CREM: variants seen among roughly 807,000 people sequenced by gnomAD.
The protein encoded by CREM is cAMP-responsive element modulator.
CREM carries 13 observed loss-of-function variants against 37.3 expected under a neutral mutation model. The observed-to-expected ratio is 0.35, with a 90% confidence interval of 0.23 to 0.55. CREM has a LOEUF of 0.55. Ranked by LOEUF, CREM falls within the 20% of genes least tolerant of loss-of-function variation. CREM has a pLI of 0.88. For synonymous variants in CREM, 124 were observed against 120.2 expected, an observed-to-expected ratio of 1.03 and a Z score of -0.21; for missense variants, 296 against 362.3, an observed-to-expected ratio of 0.82 and a Z score of 1.49.
chr10:35,140,143 C>T (rs2091222163), intron 2 of CREM, among the ~76,000 whole-genome samples: 3 of 152,006 alleles, frequency 2.0e-5, no homozygotes, highest in Admixed American at 2.0e-4. Context: ...TGATTTTTAC[C>T]TTCAAAAAAA....
chr10:35,159,621 A>G (rs2093163536), intron 3 of CREM, among the ~76,000 whole-genome samples: 1 of 152,244 alleles, frequency 6.6e-6, no homozygotes, highest in South Asian at 2.1e-4. Flanking sequence ...TGAAACTACT[A>G]CAAGGAAACA....
intron 3 of CREM, among the ~76,000 whole-genome samples, chr10:35,166,144 T>C (rs1423212302): frequency 6.6e-6 from 1 of 152,174 alleles, no homozygotes; most frequent in African/African-American, 2.4e-5. Context: ...ATAGTAAATA[T>C]AGAAATAATA....
chr10:35,145,791 A>AG (rs2092031084), intron 2 of CREM, among the ~76,000 whole-genome samples: 1 of 151,634 alleles, frequency 6.6e-6, no homozygotes, highest in Non-Finnish European at 1.5e-5. Flanking sequence ...AAAAAAAAAA[A>AG]AAAAAAAAGA....
At chr10:35,189,504 G>GTTTATTTATTTA (rs576826559) in intron 6 of CREM, among the ~76,000 whole-genome samples, 1 of 121,706 alleles carries the variant, frequency 8.2e-6, no homozygotes, top group Non-Finnish European at 1.9e-5. Context: ...TTGTTTGTTT[G>GTTTATTTATTTA]TTTATTTATT....
intron 6 of CREM, chr10:35,201,375 C>G: frequency 6.7e-7 from 1 of 1,501,370 alleles, no homozygotes; most frequent in Non-Finnish European, 9.1e-7. Flanking sequence ...GTGCCAGGCA[C>G]TGTGCTAGAC....
chr10:35,167,634 T>G (rs1238929322), intron 3 of CREM: 30 of 1,305,498 alleles, frequency 2.3e-5, no homozygotes, highest in Non-Finnish European at 3.2e-5. Flanking sequence ...ATTAGGGTTT[T>G]TTTTAATTGC....
At chr10:35,140,464 C>T (rs1299152996) in intron 2 of CREM, among the ~76,000 whole-genome samples, 2 of 152,076 alleles carry the variant, frequency 1.3e-5, no homozygotes, top group South Asian at 2.1e-4. Context: ...TCTCTCTGAA[C>T]GTTATTTTTA....
chr10:35,172,463 G>A (rs2093866749), intron 3 of CREM, among the ~76,000 whole-genome samples: 1 of 152,024 alleles, frequency 6.6e-6, no homozygotes, highest in Admixed American at 6.6e-5. Context: ...CACTGATGGT[G>A]CAAAAACAGT....
intron 6 of CREM, among the ~76,000 whole-genome samples, chr10:35,190,268 T>G (rs1456075550): frequency 6.6e-6 from 1 of 152,252 alleles, no homozygotes; most frequent in Non-Finnish European, 1.5e-5. Flanking sequence ...ATTTGCTTTA[T>G]GGTTTTACCT....
At chr10:35,145,567 G>T (rs1469420602) in intron 2 of CREM, among the ~76,000 whole-genome samples, 1 of 152,116 alleles carries the variant, frequency 6.6e-6, no homozygotes, top group Non-Finnish European at 1.5e-5. Flanking sequence ...GATCACCTGA[G>T]GTCAGGAGTT....
At chr10:35,206,158 G>GTCCCAGCT in intron 6 of CREM, among the ~76,000 whole-genome samples, 1 of 151,708 alleles carries the variant, frequency 6.6e-6, no homozygotes, top group East Asian at 1.9e-4. Context: ...TGAGGCAGGA[G>GTCCCAGCT]AATGGCATGA....
intron 6 of CREM, chr10:35,195,246 T>C (rs771223336): frequency 1.1e-5 from 17 of 1,613,058 alleles, no homozygotes; most frequent in Non-Finnish European, 1.4e-5. Flanking sequence ...TTTCAGTTAA[T>C]TGTGCAGATT....
intron 5 of CREM, among the ~76,000 whole-genome samples, chr10:35,180,215 A>G (rs554674644): frequency 1.3e-5 from 2 of 152,300 alleles, no homozygotes; most frequent in Admixed American, 1.3e-4. Context: ...TAGTTTTCTG[A>G]CTTTAAAAAG....
rs775428299 is a variant in CREM, at chr10:35,167,695, T to C, written c.169-11194T>C. 5 of 1,606,070 alleles carry C rather than the reference T, an allele frequency of 3.1e-6. No individual in the cohort carries two copies. In the South Asian group the frequency reaches 3.3e-5, roughly 11 times the overall value. ...ATCATCTTACCTTATTTCTTCAGATTAAGTACTGTTTATAGTGGGATTTTT... is the reference window on the plus strand; with the variant it reads ...ATCATCTTACCTTATTTCTTCAGATCAAGTACTGTTTATAGTGGGATTTTT... On this transcript the variant is annotated intron_variant, in intron 3 of 7. Transcript: ENST00000685392.
intron 3 of CREM, among the ~76,000 whole-genome samples, chr10:35,158,024 G>A (rs1397495050): frequency 6.6e-6 from 1 of 152,028 alleles, no homozygotes; most frequent in Non-Finnish European, 1.5e-5. Context: ...ATAAATTTAA[G>A]CAAGGAGGTG....
At chr10:35,193,037 GT>G (rs2094985089) in intron 6 of CREM, among the ~76,000 whole-genome samples, 2 of 151,830 alleles carry the variant, frequency 1.3e-5, no homozygotes, top group Admixed American at 6.6e-5. Flanking sequence ...ATAAGAATAC[GT>G]TCCCCGAGGA....
chr10:35,208,539 T>A (rs1360529254), intron 7 of CREM, among the ~76,000 whole-genome samples: 1 of 152,204 alleles, frequency 6.6e-6, no homozygotes, highest in Non-Finnish European at 1.5e-5. Context: ...TGTCAAATAA[T>A]GTCCTCATTG....
chr10:35,179,267 G>A lies in CREM; in HGVS notation c.400G>A (p.Gly134Arg). 1.2e-6 allele frequency: 2 copies of A among 1,613,986 alleles called. No individual in the cohort carries two copies. The highest frequency in any genetic ancestry group is 1.3e-5 in the African/African-American group (1 of 75,016). ...VPTSIYQTSTGQYIAIAQGGT... is the reference protein window; with the variant it reads ...VPTSIYQTSTRQYIAIAQGGT... The stretch of plus-strand genomic sequence containing the variant: ...AACTAGCATATATCAGACTAGCACG[G>A]GGCAATACAGTATGTATGCTGCAAT... Residue 134 changes from glycine to arginine, a missense_variant, in exon 5 of 8, where the codon GGG (glycine) becomes AGG (arginine). Gly to Arg is a moderately radical substitution (Grantham distance 125). Around this residue, in one of 2 missense-constraint regions of CREM, gnomAD observed 257 missense variants for 280.2 expected, o/e 0.92. Coordinates refer to ENST00000685392, the MANE Select transcript of CREM (RefSeq NM_183011.2).
chr10:35,207,066 A>G lies in CREM; in HGVS notation c.755+15A>G, dbSNP rs1451776437. 3.7e-6 allele frequency: 6 copies of G among 1,607,682 alleles called. No individual in the cohort carries two copies. The highest frequency in any genetic ancestry group is 5.1e-6 in the Non-Finnish European group (6 of 1,176,130). ...ATGAAAAACAGGTGAGGTGTTGCAC[A>G]GGGAATCGGTAACTTCTAGGACACT... is the stretch of plus-strand genomic sequence containing the variant. On this transcript the variant is annotated intron_variant, in intron 7 of 7. Coordinates refer to ENST00000685392, the MANE Select transcript of CREM (RefSeq NM_183011.2).
Sources: allele counts gnomAD v4.1 joint callset (sites outside exome capture counted in the v4.1 genomes callset), GRCh38; gene constraint gnomAD v4.1.1; regional missense constraint gnomAD v4.1.1; transcripts MANE v1.5; gene names NCBI Gene and HGNC (gene_info 2026-07-23, HGNC 2026-07-21).